Variants in DHX30 observed in about 807,000 individuals in gnomAD.
DHX30 encodes DExH-box helicase 30, also known as ATP-dependent RNA helicase DHX30.
In DHX30, 4 loss-of-function variants were observed where a neutral mutation model predicts 116.9. That is an observed-to-expected ratio of 0.03 (90% confidence interval 0.02 to 0.08). DHX30 has a LOEUF of 0.08. Ranked by LOEUF, DHX30 falls within the 10% of genes least tolerant of loss-of-function variation. The pLI is 1.00. For missense variants in DHX30, 871 were observed against 1,595.1 expected, an observed-to-expected ratio of 0.55 and a Z score of 7.73; for synonymous variants, 697 against 651.7, an observed-to-expected ratio of 1.07 and a Z score of -1.06.
At chr3:47,840,300 CG>C (rs1308596949) in intron 6 of DHX30, among the ~76,000 whole-genome samples, 2 of 151,368 alleles carry the variant, frequency 1.3e-5, no homozygotes, top group Admixed American at 6.6e-5. Context: ...CCCGGCCCTA[CG>C]TACTTTTTAA....
In DHX30 at chr3:47,848,413, C is replaced by G; in HGVS notation, c.2493+27C>G. On this transcript the variant is annotated intron_variant, in intron 15 of 21. Coordinates refer to ENST00000445061, the MANE Select transcript of DHX30 (RefSeq NM_138615.3). This position sits in a 1 kb window ranked among gnomAD's most constrained non-coding sequence, Gnocchi z 9.4. The stretch of plus-strand genomic sequence containing the variant: ...TGCGGCGGGGCGGGGCAGGGGCTGG[C>G]CTGGGGACCAGGCAGGTGGGAGGCA... 3.7e-6 allele frequency: 6 copies of G among 1,613,604 alleles called. No homozygotes were observed. The highest frequency in any genetic ancestry group is 5.1e-6 in the Non-Finnish European group (6 of 1,179,944).
At chr3:47,803,297 CG>C in intron 1 of DHX30, 85 bp downstream of exon 1, 1 of 388,208 alleles carries the variant, frequency 2.6e-6, no homozygotes, top group Non-Finnish European at 4.6e-6. Flanking sequence ...GGAGGGGGCC[CG>C]GTCCGACCGC....
At chr3:47,845,286 C>T (rs1249852743) in intron 9 of DHX30, among the ~76,000 whole-genome samples, 1 of 152,142 alleles carries the variant, frequency 6.6e-6, no homozygotes. Context: ...CTCCAGGGTT[C>T]AGGCGATTCT....
chr3:47,804,130 C>G (rs1379427684), intron 1 of DHX30, among the ~76,000 whole-genome samples: 2 of 152,206 alleles, frequency 1.3e-5, no homozygotes, highest in East Asian at 3.8e-4. Flanking sequence ...TTGTAATTTA[C>G]ACTTAAATCT....
chr3:47,819,325 T>C (rs1576473263), intron 4 of DHX30: 1 of 1,350,508 alleles, frequency 7.4e-7, no homozygotes, highest in African/African-American at 1.5e-5. Context: ...TTAGTCGGGG[T>C]TAACCAGGCA....
rs71070236 is a variant in DHX30, at chr3:47,833,537, C to CAAA, written c.366+4422_366+4424dup. The stretch of plus-strand genomic sequence containing the variant: ...GCAAAGCAGGACTCTCTCTCTCTCT[C>CAAA]AAAAAAAAAAAAAAAAAAAAAGAAA... On this transcript the variant is annotated intron_variant, in intron 6 of 21. Transcript: ENST00000445061. Among the ~76,000 whole-genome samples, 322 of 62,144 alleles carry CAAA rather than the reference C, an allele frequency of 5.2e-3. 8 individuals are homozygous for CAAA. The highest frequency in any genetic ancestry group is 0.02 in the Middle Eastern group (2 of 100). The allele number at this position is 62,144 out of a possible 152,430, so 40.8% of individuals were successfully genotyped here.
At chr3:47,813,343 A>G (rs552092095) in intron 3 of DHX30, among the ~76,000 whole-genome samples, 2 of 152,248 alleles carry the variant, frequency 1.3e-5, no homozygotes, top group East Asian at 3.9e-4. Flanking sequence ...CCATCTCAAA[A>G]AACAAAAAGA....
At chr3:47,820,039 ATGG>A (rs1199226393) in intron 4 of DHX30, among the ~76,000 whole-genome samples, 1 of 152,200 alleles carries the variant, frequency 6.6e-6, no homozygotes. Context: ...CTGGCCGGGC[ATGG>A]TGGCTTACGC....
intron 2 of DHX30, among the ~76,000 whole-genome samples, chr3:47,809,080 C>T (rs1050295712): frequency 2.0e-5 from 3 of 150,772 alleles, no homozygotes; most frequent in South Asian, 2.1e-4. Flanking sequence ...TTAGTAGAGA[C>T]GGGGTCATGT....
chr3:47,803,886 A>G (rs2035406804), intron 1 of DHX30, among the ~76,000 whole-genome samples: 1 of 152,168 alleles, frequency 6.6e-6, no homozygotes, highest in African/African-American at 2.4e-5. Context: ...GTGTAGCAAC[A>G]TTGGTCACTT....
intron 4 of DHX30, among the ~76,000 whole-genome samples, chr3:47,821,144 C>T (rs1043516550): frequency 1.1e-4 from 16 of 152,010 alleles, no homozygotes; most frequent in Non-Finnish European, 2.4e-4. Flanking sequence ...TCAGTAGAGA[C>T]GGGGTTTCAC....
At chr3:47,820,697 G>GCT (rs2036256440) in intron 4 of DHX30, among the ~76,000 whole-genome samples, 1 of 152,052 alleles carries the variant, frequency 6.6e-6, no homozygotes, top group South Asian at 2.1e-4. Context: ...TTAATTCTGT[G>GCT]CTGCTAGATG....
rs1447194644 is a variant in DHX30, at chr3:47,803,182, A to T, written c.-153A>T. 2.5e-6 allele frequency: 1 copy of T among 393,888 alleles called. No individual in the cohort carries two copies. The highest frequency in any genetic ancestry group is 3.6e-5 in the East Asian group (1 of 27,776). The allele number at this position is 393,888 out of a possible 1,614,324, so 24.4% of individuals were successfully genotyped here. On this transcript the variant is annotated 5_prime_UTR_variant, in exon 1 of 22. Transcript: ENST00000445061. ...GGGAGCCGCGGCTCATGCGCGGTGC[A>T]CAGAGGCTTGTTTCACATCTGTAAC...
rs763738155 is a variant in DHX30, at chr3:47,847,339, G to A, written c.1996G>A (p.Gly666Arg). 2.1e-5 allele frequency: 34 copies of A among 1,614,110 alleles called. No individual in the cohort carries two copies. The highest frequency in any genetic ancestry group is 2.7e-5 in the African/African-American group (2 of 74,934). The change falls in exon 12 of 22, where the codon GGG becomes AGG. Residue 666 changes from glycine to arginine, a missense_variant. Around this residue, in one of 13 missense-constraint regions of DHX30, gnomAD observed 61 missense variants for 106.7 expected, o/e 0.57. Transcript: ENST00000445061. This position sits in a 1 kb window ranked among gnomAD's most constrained non-coding sequence, Gnocchi z 5.5. ...TDLVLHIDAR[G>R]EPGGILCFLP... ...TCTGGTTCTGCACATCGATGCTCGC[G>A]GGGAACCAGGTGGGTGCCTCCCCAT...
chr3:47,841,575 AG>A, intron 7 of DHX30, 41 bp from the exon 8 acceptor site: 1 of 1,613,618 alleles, frequency 6.2e-7, no homozygotes, highest in Non-Finnish European at 8.5e-7. Context: ...AAATTGGTCC[AG>A]GAAGAGAGAA....
chr3:47,809,033 C>T (rs9871805), intron 2 of DHX30, among the ~76,000 whole-genome samples: 6,326 of 151,972 alleles, frequency 0.042, 439 homozygotes, highest in African/African-American at 0.14. Flanking sequence ...AGATTACAGG[C>T]GCCTGCCACC....
intron 4 of DHX30, among the ~76,000 whole-genome samples, chr3:47,827,142 G>C (rs1310194586): frequency 3.3e-5 from 5 of 151,984 alleles, no homozygotes; most frequent in African/African-American, 1.2e-4. Flanking sequence ...CCTTCTTCAG[G>C]AGATGGTTAT....
intron 10 of DHX30, 130 bp downstream of exon 10, chr3:47,845,982 TC>T (rs2037587976): frequency 6.9e-7 from 1 of 1,454,842 alleles, no homozygotes; most frequent in East Asian, 2.3e-5. Flanking sequence ...GGGCCTGGGA[TC>T]CCCCTGGCCT....
At chr3:47,817,079 C>A in intron 3 of DHX30, 1 of 507,158 alleles carries the variant, frequency 2.0e-6, no homozygotes, top group Non-Finnish European at 2.5e-6. Flanking sequence ...AATTTGCATT[C>A]CACAAATGAA....
Sources: allele counts gnomAD v4.1 joint callset (sites outside exome capture counted in the v4.1 genomes callset), GRCh38; gene constraint gnomAD v4.1.1; regional missense constraint gnomAD v4.1.1; non-coding constraint Gnocchi (gnomAD v3.1); transcripts MANE v1.5; gene names NCBI Gene and HGNC (gene_info 2026-07-23, HGNC 2026-07-21).